The following DLG2 variants were observed in gnomAD, a reference collection of about 807,000 sequenced individuals.
DLG2 encodes the protein discs large MAGUK scaffold protein 2.
In DLG2, 45 loss-of-function variants were observed where a neutral mutation model predicts 132.5. The observed-to-expected ratio is 0.34, with a 90% CI of 0.27 to 0.44. DLG2 has a LOEUF of 0.44. Among genes scored for constraint, DLG2 ranks in the 20% least tolerant of loss-of-function variants. The pLI is 1.00. For synonymous variants in DLG2, 424 were observed against 419.6 expected (o/e 1.01, Z -0.13); for missense variants, 1,045 against 1,196.9 (o/e 0.87, Z 1.87).
chr11:84,252,945 C>G (rs2097408206), intron 7 of DLG2, among the ~76,000 whole-genome samples: 1 of 152,152 alleles, frequency 6.6e-6, no homozygotes, highest in South Asian at 2.1e-4. Context: ...TCAATCTATT[C>G]TGTGGAATCC....
chr11:84,173,014 A>T (rs1245763470), intron 8 of DLG2, among the ~76,000 whole-genome samples: 2 of 152,200 alleles, frequency 1.3e-5, no homozygotes, highest in Non-Finnish European at 2.9e-5. Context: ...CTATAAAATT[A>T]TAATAATTTT....
intron 6 of DLG2, among the ~76,000 whole-genome samples, chr11:84,553,559 C>T (rs910731183): frequency 1.3e-5 from 2 of 152,166 alleles, no homozygotes; most frequent in African/African-American, 2.4e-5. Flanking sequence ...TAAGATATCA[C>T]AGTCTACTCT....
At chr11:85,226,582 C>A (rs142265966) in intron 4 of DLG2, among the ~76,000 whole-genome samples, 6 of 151,674 alleles carry the variant, frequency 4.0e-5, no homozygotes, top group African/African-American at 1.2e-4. Flanking sequence ...CATACAGACA[C>A]GATAACAGAA....
chr11:84,150,416 T>C (rs554903843), intron 9 of DLG2, among the ~76,000 whole-genome samples: 1 of 152,340 alleles, frequency 6.6e-6, no homozygotes, highest in Admixed American at 6.5e-5. Context: ...TGTATGCTGA[T>C]TTTATATACT....
chr11:84,632,466 T>TA (rs2099633738), intron 6 of DLG2, among the ~76,000 whole-genome samples: 1 of 152,174 alleles, frequency 6.6e-6, no homozygotes, highest in Non-Finnish European at 1.5e-5. Flanking sequence ...CGTTTGAGAG[T>TA]AGAGTGAAAC....
At chr11:85,497,844 A>C (rs2093702976) in intron 3 of DLG2, among the ~76,000 whole-genome samples, 1 of 152,222 alleles carries the variant, frequency 6.6e-6, no homozygotes, top group Non-Finnish European at 1.5e-5. Context: ...TCATAAGTGA[A>C]GGGGAAATAA....
chr11:83,488,495 A>G (rs1254641637), intron 21 of DLG2, among the ~76,000 whole-genome samples: 2 of 151,970 alleles, frequency 1.3e-5, no homozygotes, highest in Non-Finnish European at 2.9e-5. Flanking sequence ...TTATTTTCCT[A>G]CTCAAATCTC....
intron 6 of DLG2, among the ~76,000 whole-genome samples, chr11:84,701,756 A>T (rs1235953796): frequency 6.6e-6 from 1 of 151,650 alleles, no homozygotes; most frequent in African/African-American, 2.4e-5. Context: ...TTCATGCCCA[A>T]CTTGCAGTGT....
At chr11:85,014,838 C>T (rs2059437776) in intron 6 of DLG2, among the ~76,000 whole-genome samples, 1 of 152,128 alleles carries the variant, frequency 6.6e-6, no homozygotes, top group Non-Finnish European at 1.5e-5. Context: ...AATCAAATTA[C>T]TTTAGGAATT....
chr11:84,897,593 A>G (rs2090371049), intron 6 of DLG2, among the ~76,000 whole-genome samples: 1 of 151,864 alleles, frequency 6.6e-6, no homozygotes, highest in African/African-American at 2.4e-5. Flanking sequence ...TCTAGAGTGA[A>G]CAGCATTCTA....
intron 18 of DLG2, among the ~76,000 whole-genome samples, chr11:83,739,759 C>T: frequency 6.6e-6 from 1 of 152,086 alleles, no homozygotes. Context: ...GAAAGGTAGA[C>T]AGAAGGTAGC....
At chr11:84,749,396 T>C (rs576537025) in intron 6 of DLG2, among the ~76,000 whole-genome samples, 2 of 152,318 alleles carry the variant, frequency 1.3e-5, no homozygotes, top group South Asian at 2.1e-4. Context: ...TTTTGGTCAA[T>C]ACAAACTGCA....
chr11:85,067,860 T>G (rs929652266), intron 6 of DLG2, among the ~76,000 whole-genome samples: 1 of 152,058 alleles, frequency 6.6e-6, no homozygotes, highest in Non-Finnish European at 1.5e-5. Context: ...AAAGAGAATT[T>G]TGGACCAATA....
chr11:83,827,089 C>T (rs564122134), intron 17 of DLG2, among the ~76,000 whole-genome samples: 2 of 152,202 alleles, frequency 1.3e-5, no homozygotes, highest in Middle Eastern at 3.4e-3. Flanking sequence ...CAGAGAGGAA[C>T]GGCACGGCAG....
chr11:84,365,592 A>C (rs1393546695), intron 7 of DLG2, among the ~76,000 whole-genome samples: 2 of 151,406 alleles, frequency 1.3e-5, no homozygotes, highest in African/African-American at 4.9e-5. Context: ...TAGTTCTTTT[A>C]ATTGTGATGT....
intron 4 of DLG2, among the ~76,000 whole-genome samples, chr11:85,213,163 T>C (rs1477016942): frequency 6.6e-6 from 1 of 152,096 alleles, no homozygotes; most frequent in Non-Finnish European, 1.5e-5. Flanking sequence ...AGAGTTAAGG[T>C]AGATGCTGTT....
chr11:84,590,112 A>G (rs1054910083), intron 6 of DLG2, among the ~76,000 whole-genome samples: 65 of 152,212 alleles, frequency 4.3e-4, no homozygotes, highest in Non-Finnish European at 1.6e-4. Flanking sequence ...ACCCTGTTGG[A>G]AGGGCAATAG....
At chr11:83,936,218 G>T (rs1288975474) in intron 14 of DLG2, among the ~76,000 whole-genome samples, 4 of 152,284 alleles carry the variant, frequency 2.6e-5, no homozygotes, top group South Asian at 2.1e-4. Context: ...AACAATCGAT[G>T]GCTTTTAGTC....
chr11:84,241,841 A>G (rs1040611945), intron 8 of DLG2, among the ~76,000 whole-genome samples: 2 of 152,176 alleles, frequency 1.3e-5, no homozygotes. Context: ...AGGTACTTTT[A>G]AGAACAAATT....
Sources: gnomAD v4.1 joint callset for allele counts (sites outside exome capture counted in the v4.1 genomes callset) on GRCh38, gnomAD v4.1.1 for gene constraint, MANE v1.5 for transcripts, NCBI Gene and HGNC (gene_info 2026-07-23, HGNC 2026-07-21) for gene names.